Variants in LUZP2 observed in about 807,000 individuals in gnomAD.
LUZP2 encodes the protein leucine zipper protein 2.
LUZP2 carries 52 observed loss-of-function variants against 51.6 expected under a neutral mutation model. The observed-to-expected ratio is 1.01, with a 90% CI of 0.81 to 1.27. The LOEUF (loss-of-function observed/expected upper bound fraction) is 1.27, where lower values mean the gene tolerates loss of function less well. Ranked by LOEUF, LUZP2 falls within the 50% of genes most tolerant of loss-of-function variation. The probability of loss-of-function intolerance (pLI) is 0.00; values close to 1 mark genes in which losing one functional copy is unlikely to be tolerated. For synonymous variants in LUZP2, 154 were observed against 137.3 expected, an observed-to-expected ratio of 1.12 and a Z score of -0.85; for missense variants, 436 against 395.4, an observed-to-expected ratio of 1.10 and a Z score of -0.87.
At chr11:24,639,745 C>A (rs1445952866) in intron 1 of LUZP2, among the ~76,000 whole-genome samples, 1 of 151,854 alleles carries the variant, frequency 6.6e-6, no homozygotes, top group Admixed American at 6.6e-5. Flanking sequence ...GCCACTGTGC[C>A]CGGCCTTAAT....
chr11:24,849,733 C>T (rs1321243846), intron 5 of LUZP2, among the ~76,000 whole-genome samples: 3 of 152,136 alleles, frequency 2.0e-5, no homozygotes, highest in Admixed American at 6.6e-5. Context: ...CTAATTTACA[C>T]TCCCACCAAC....
At chr11:24,514,883 G>A (rs930011165) in intron 1 of LUZP2, among the ~76,000 whole-genome samples, 6 of 152,094 alleles carry the variant, frequency 3.9e-5, no homozygotes, top group Admixed American at 6.6e-5. Context: ...ACTGCTGGTT[G>A]GTTCAGGATC....
intron 1 of LUZP2, among the ~76,000 whole-genome samples, chr11:24,587,011 T>A (rs908368709): frequency 6.6e-6 from 1 of 152,082 alleles, no homozygotes; most frequent in Non-Finnish European, 1.5e-5. Flanking sequence ...ATAATTTTTT[T>A]AAAAAATTGC....
chr11:24,786,066 A>G, intron 5 of LUZP2: 2 of 985,242 alleles, frequency 2.0e-6, no homozygotes, highest in Non-Finnish European at 2.4e-6. Flanking sequence ...TGGTGGGCAC[A>G]TTTTTCATCG....
intron 5 of LUZP2, among the ~76,000 whole-genome samples, chr11:24,798,261 G>C (rs147476038): frequency 0.014 from 2,102 of 151,426 alleles, 19 homozygotes; most frequent in Middle Eastern, 0.068. Flanking sequence ...TCTTTTGCCC[G>C]GGTTGGAGTT....
chr11:24,763,371 A>G (rs1860056350), intron 5 of LUZP2, 63 bp downstream of exon 5: 1 of 751,468 alleles, frequency 1.3e-6, no homozygotes, highest in Non-Finnish European at 2.0e-6. Flanking sequence ...AAATGCACAT[A>G]TAAAGTTGCC....
intron 4 of LUZP2, among the ~76,000 whole-genome samples, chr11:24,748,961 A>G (rs903523800): frequency 6.6e-6 from 1 of 152,222 alleles, no homozygotes; most frequent in Non-Finnish European, 1.5e-5. Context: ...AAACATTTTA[A>G]AAATTACATA....
chr11:24,999,554 A>T (rs1323658074), intron 9 of LUZP2, among the ~76,000 whole-genome samples: 1 of 152,096 alleles, frequency 6.6e-6, no homozygotes, highest in Non-Finnish European at 1.5e-5. Context: ...CACTCCTTTT[A>T]GTAGAGTTTT....
intron 1 of LUZP2, among the ~76,000 whole-genome samples, chr11:24,688,946 C>G (rs1353193633): frequency 6.6e-6 from 1 of 152,104 alleles, no homozygotes; most frequent in Non-Finnish European, 1.5e-5. Flanking sequence ...TATTGTCTCA[C>G]TGTAGTCAAC....
intron 7 of LUZP2, among the ~76,000 whole-genome samples, chr11:24,940,752 T>G (rs542855480): frequency 6.6e-6 from 1 of 152,308 alleles, no homozygotes; most frequent in Admixed American, 6.5e-5. Flanking sequence ...TGGGTTCTAA[T>G]AGAACCTTGA....
intron 1 of LUZP2, among the ~76,000 whole-genome samples, chr11:24,570,942 A>T (rs1487356427): frequency 1.3e-5 from 2 of 152,140 alleles, no homozygotes; most frequent in African/African-American, 4.8e-5. Flanking sequence ...TATGGAAAGC[A>T]AATACCTATG....
chr11:24,884,724 C>T (rs1162490042), intron 5 of LUZP2, among the ~76,000 whole-genome samples: 1 of 151,930 alleles, frequency 6.6e-6, no homozygotes, highest in Non-Finnish European at 1.5e-5. Flanking sequence ...ATTATTTGCC[C>T]AACTCCTTTA....
At chr11:24,791,038 C>A (rs1488907227) in intron 5 of LUZP2, among the ~76,000 whole-genome samples, 1 of 152,102 alleles carries the variant, frequency 6.6e-6, no homozygotes, top group Non-Finnish European at 1.5e-5. Context: ...AATATATTTA[C>A]CTGTATGTTT....
chr11:24,826,188 A>ATATAT (rs1193136085), intron 5 of LUZP2, among the ~76,000 whole-genome samples: 2,866 of 27,654 alleles, frequency 0.1, 34 homozygotes, highest in African/African-American at 0.15. Context: ...AAAAAAAAAA[A>ATATAT]AAATATATAT....
At chr11:24,505,829 A>G (rs1454740325) in intron 1 of LUZP2, among the ~76,000 whole-genome samples, 1 of 152,160 alleles carries the variant, frequency 6.6e-6, no homozygotes, top group African/African-American at 2.4e-5. Flanking sequence ...GAGAAAAAAA[A>G]ATAAAGAAAG....
chr11:24,866,573 G>A (rs1851903197), intron 5 of LUZP2, among the ~76,000 whole-genome samples: 1 of 152,068 alleles, frequency 6.6e-6, no homozygotes, highest in Non-Finnish European at 1.5e-5. Context: ...AGGAAATGTG[G>A]TAGAAAAAGG....
At chr11:24,535,074 A>C (rs571700657) in intron 1 of LUZP2, among the ~76,000 whole-genome samples, 1 of 151,440 alleles carries the variant, frequency 6.6e-6, no homozygotes, top group East Asian at 1.9e-4. Context: ...ACTATAGTCT[A>C]TTAAGTGTGC....
intron 5 of LUZP2, among the ~76,000 whole-genome samples, chr11:24,774,104 C>T (rs1848833106): frequency 6.6e-6 from 1 of 151,864 alleles, no homozygotes; most frequent in South Asian, 2.1e-4. Context: ...ACAATCTAAT[C>T]AGCTGCCAGT....
intron 7 of LUZP2, among the ~76,000 whole-genome samples, chr11:24,934,407 T>C (rs1285031015): frequency 6.6e-6 from 1 of 152,212 alleles, no homozygotes; most frequent in Non-Finnish European, 1.5e-5. Context: ...AAAACACACT[T>C]GTTCCAAGTT....
Sources: gnomAD v4.1 joint callset for allele counts (sites outside exome capture counted in the v4.1 genomes callset) on GRCh38, gnomAD v4.1.1 for gene constraint, MANE v1.5 for transcripts, NCBI Gene and HGNC (gene_info 2026-07-23, HGNC 2026-07-21) for gene names.